GRIP1: variants seen among roughly 807,000 people sequenced by gnomAD.
The protein encoded by GRIP1 is glutamate receptor-interacting protein 1.
A neutral mutation model predicts 129.9 loss-of-function variants in GRIP1; 45 were observed. The observed-to-expected ratio is 0.35, with a 90% CI of 0.27 to 0.44. GRIP1 has a LOEUF of 0.44. Ranked by LOEUF, GRIP1 falls within the 20% of genes least tolerant of loss-of-function variation. GRIP1 has a pLI of 1.00. For missense variants in GRIP1, 1,196 were observed against 1,396.8 expected, an observed-to-expected ratio of 0.86 and a Z score of 2.29; for synonymous variants, 530 against 520.8, an observed-to-expected ratio of 1.02 and a Z score of -0.24.
intron 1 of GRIP1, among the ~76,000 whole-genome samples, chr12:66,662,053 G>A (rs1051925675): frequency 2.6e-5 from 4 of 152,024 alleles, no homozygotes; most frequent in Non-Finnish European, 4.4e-5. Context: ...ATACTCCTGC[G>A]CATGTAGAAT....
chr12:66,596,757 ATTATTT>A, intron 2 of GRIP1, 84 bp downstream of exon 2: 1 of 752,346 alleles, frequency 1.3e-6, no homozygotes, highest in Admixed American at 1.9e-5. Flanking sequence ...TATTATTATT[ATTATTT>A]TTACCAAGTT....
At chr12:66,505,812 G>A (rs969679709) in intron 7 of GRIP1, among the ~76,000 whole-genome samples, 1 of 152,044 alleles carries the variant, frequency 6.6e-6, no homozygotes, top group Non-Finnish European at 1.5e-5. Context: ...CTGAAAAAAG[G>A]CTTGTATACA....
intron 2 of GRIP1, among the ~76,000 whole-genome samples, chr12:66,592,734 A>G (rs2063893208): frequency 6.6e-6 from 1 of 152,212 alleles, no homozygotes; most frequent in African/African-American, 2.4e-5. Context: ...CCTCATCTCT[A>G]AGTGGGCAAG....
At chr12:67,046,113 T>C (rs2043249637) in intron 1 of GRIP1, among the ~76,000 whole-genome samples, 1 of 152,180 alleles carries the variant, frequency 6.6e-6, no homozygotes, top group African/African-American at 2.4e-5. Context: ...CTGATAAAAC[T>C]GTAAAGAAAA....
chr12:66,609,426 T>C (rs573945375), intron 1 of GRIP1, among the ~76,000 whole-genome samples: 60 of 152,174 alleles, frequency 3.9e-4, no homozygotes, highest in Non-Finnish European at 7.6e-4. Context: ...ACCTGAGTTT[T>C]TATGAAGAAA....
At chr12:66,445,811 A>G (rs780684209) in intron 11 of GRIP1, among the ~76,000 whole-genome samples, 2 of 152,124 alleles carry the variant, frequency 1.3e-5, no homozygotes, top group Non-Finnish European at 2.9e-5. Flanking sequence ...TCCTGGCTCT[A>G]TCACTGAGCA....
At chr12:66,399,631 G>A (rs1383122799) in intron 16 of GRIP1, among the ~76,000 whole-genome samples, 4 of 151,942 alleles carry the variant, frequency 2.6e-5, no homozygotes, top group African/African-American at 4.9e-5. Flanking sequence ...ATGGAAGCAC[G>A]GAACAGATGC....
chr12:66,497,860 A>T (rs1232398784), intron 7 of GRIP1, among the ~76,000 whole-genome samples: 1 of 152,178 alleles, frequency 6.6e-6, no homozygotes, highest in Non-Finnish European at 1.5e-5. Context: ...TAACTGAAGA[A>T]TCACAAAAGA....
At chr12:66,985,098 A>G (rs564369757) in intron 1 of GRIP1, among the ~76,000 whole-genome samples, 2 of 152,148 alleles carry the variant, frequency 1.3e-5, no homozygotes, top group East Asian at 1.9e-4. Context: ...AAATTTTCTC[A>G]CAGCATGCTG....
chr12:66,877,296 T>A (rs750759193), intron 1 of GRIP1, among the ~76,000 whole-genome samples: 1 of 152,082 alleles, frequency 6.6e-6, no homozygotes, highest in Non-Finnish European at 1.5e-5. Flanking sequence ...TGTATATTTT[T>A]ATATATCTTT....
intron 1 of GRIP1, among the ~76,000 whole-genome samples, chr12:66,728,020 TGTAA>T (rs1318120248): frequency 6.6e-6 from 1 of 152,194 alleles, no homozygotes; most frequent in East Asian, 1.9e-4. Flanking sequence ...AATTAAAGTT[TGTAA>T]GTGTTGATAG....
chr12:66,751,097 G>A (rs2037112557), intron 1 of GRIP1, among the ~76,000 whole-genome samples: 1 of 152,112 alleles, frequency 6.6e-6, no homozygotes, highest in African/African-American at 2.4e-5. Flanking sequence ...GTGCCCAAGT[G>A]AGAAATTGAG....
intron 9 of GRIP1, among the ~76,000 whole-genome samples, chr12:66,457,514 G>C (rs563608255): frequency 6.6e-6 from 1 of 152,252 alleles, no homozygotes; most frequent in South Asian, 2.1e-4. Context: ...TTCTACCTCA[G>C]CCCTGAGTTG....
intron 1 of GRIP1, among the ~76,000 whole-genome samples, chr12:67,048,267 T>C (rs773806827): frequency 6.6e-6 from 1 of 152,110 alleles, no homozygotes; most frequent in African/African-American, 2.4e-5. Context: ...ATTTTTAAAA[T>C]ATTGTTGCTT....
At chr12:66,467,519 T>A (rs1592376206) in intron 7 of GRIP1, among the ~76,000 whole-genome samples, 1 of 152,170 alleles carries the variant, frequency 6.6e-6, no homozygotes, top group East Asian at 1.9e-4. Flanking sequence ...AGTTTGCACA[T>A]CATGAGCCTT....
At chr12:66,792,211 C>T (rs61926156) in intron 1 of GRIP1, among the ~76,000 whole-genome samples, 6,071 of 152,208 alleles carry the variant, frequency 0.04, 137 homozygotes, top group Middle Eastern at 0.095. Flanking sequence ...TTAATATTTG[C>T]ACTTTGTTCA....
At chr12:66,478,821 C>T (rs7962122) in intron 7 of GRIP1, among the ~76,000 whole-genome samples, 96,899 of 151,642 alleles carry the variant, frequency 0.64, 31,373 homozygotes, top group Middle Eastern at 0.79. Flanking sequence ...TAGGTGGGAA[C>T]TGAACAATGA....
chr12:66,659,826 T>C (rs914948992), intron 1 of GRIP1, among the ~76,000 whole-genome samples: 5 of 152,198 alleles, frequency 3.3e-5, no homozygotes, highest in Non-Finnish European at 7.4e-5. Flanking sequence ...TGCAATTCTC[T>C]TGTAAATTCT....
At chr12:66,828,779 G>A (rs1413064290) in intron 1 of GRIP1, among the ~76,000 whole-genome samples, 3 of 152,160 alleles carry the variant, frequency 2.0e-5, no homozygotes, top group African/African-American at 7.2e-5. Context: ...TGCAGACTTA[G>A]TTGTTTTCAA....
Sources: allele counts gnomAD v4.1 joint callset (sites outside exome capture counted in the v4.1 genomes callset), GRCh38; gene constraint gnomAD v4.1.1; transcripts MANE v1.5; gene names NCBI Gene and HGNC (gene_info 2026-07-23, HGNC 2026-07-21).